The following CHST9 variants were observed in gnomAD, a reference collection of about 807,000 sequenced individuals.
The protein encoded by CHST9 is carbohydrate sulfotransferase 9.
In CHST9, 41 loss-of-function variants were observed where a neutral mutation model predicts 44.4. The observed-to-expected ratio is 0.92, with a 90% CI of 0.72 to 1.20. CHST9 has a LOEUF of 1.20. CHST9 is among the 50% of genes most tolerant of loss of function. CHST9 has a pLI of 0.00. For missense variants in CHST9, 504 were observed against 516.5 expected (o/e 0.98, Z 0.23); for synonymous variants, 171 against 178.4 (o/e 0.96, Z 0.33).
chr18:26,991,496 G>A (rs2056815706), intron 4 of CHST9, among the ~76,000 whole-genome samples: 1 of 135,488 alleles, frequency 7.4e-6, no homozygotes, highest in Non-Finnish European at 1.7e-5. Flanking sequence ...GATATATAAA[G>A]CTGGGATCCA....
intron 1 of CHST9, among the ~76,000 whole-genome samples, chr18:27,163,033 C>T (rs1356498531): frequency 5.3e-5 from 8 of 152,174 alleles, no homozygotes; most frequent in Non-Finnish European, 1.2e-4. Context: ...TTCTAACAGT[C>T]AGGACCCTCA....
At chr18:27,104,483 T>A (rs1225454195) in intron 2 of CHST9, among the ~76,000 whole-genome samples, 1 of 152,290 alleles carries the variant, frequency 6.6e-6, no homozygotes, top group East Asian at 1.9e-4. Context: ...ATTATGAAAG[T>A]CAGATTTTGC....
chr18:27,172,711 T>A (rs937576691), intron 1 of CHST9, among the ~76,000 whole-genome samples: 8 of 152,048 alleles, frequency 5.3e-5, no homozygotes, highest in African/African-American at 1.9e-4. Context: ...ACCAGTTCTT[T>A]CTGACTTTTT....
At chr18:26,952,197 AG>A in intron 4 of CHST9, 1 of 525,680 alleles carries the variant, frequency 1.9e-6, no homozygotes, top group South Asian at 1.4e-5. Flanking sequence ...ACCTCCCAAA[AG>A]CTGTTGGCAT....
intron 2 of CHST9, among the ~76,000 whole-genome samples, chr18:27,074,222 C>A (rs369523934): frequency 1.3e-5 from 2 of 152,146 alleles, no homozygotes; most frequent in East Asian, 1.9e-4. Context: ...ATGTTATTTT[C>A]AAAACTGTGA....
At chr18:27,036,024 T>C (rs1385466046) in intron 3 of CHST9, among the ~76,000 whole-genome samples, 1 of 152,114 alleles carries the variant, frequency 6.6e-6, no homozygotes, top group Non-Finnish European at 1.5e-5. Flanking sequence ...TATACCTCAA[T>C]GAATTTGGAA....
At chr18:27,159,905 C>T (rs530197625) in intron 1 of CHST9, among the ~76,000 whole-genome samples, 1 of 152,164 alleles carries the variant, frequency 6.6e-6, no homozygotes, top group Non-Finnish European at 1.5e-5. Flanking sequence ...ATTTGGCTCT[C>T]TATTTGTCTG....
chr18:26,983,191 C>G (rs1336460387), intron 4 of CHST9, among the ~76,000 whole-genome samples: 1 of 152,160 alleles, frequency 6.6e-6, no homozygotes, highest in Non-Finnish European at 1.5e-5. Flanking sequence ...GGTCCTAGAC[C>G]AGTGTGTTTC....
intron 4 of CHST9, among the ~76,000 whole-genome samples, chr18:27,016,166 T>C (rs1488392847): frequency 6.6e-6 from 1 of 152,238 alleles, no homozygotes; most frequent in Non-Finnish European, 1.5e-5. Flanking sequence ...ATACACCTCA[T>C]GCTTCTTTTG....
At chr18:27,180,832 A>T (rs1375664537) in intron 1 of CHST9, among the ~76,000 whole-genome samples, 1 of 152,224 alleles carries the variant, frequency 6.6e-6, no homozygotes, top group Non-Finnish European at 1.5e-5. Context: ...TGATAAGAAG[A>T]AACGGATTCC....
At chr18:27,112,206 A>T (rs1003617101) in intron 2 of CHST9, among the ~76,000 whole-genome samples, 1 of 150,646 alleles carries the variant, frequency 6.6e-6, no homozygotes, top group Non-Finnish European at 1.5e-5. Flanking sequence ...TCATGTTATT[A>T]TGAAGGCTGA....
chr18:27,136,574 T>C (rs780522152), intron 2 of CHST9, among the ~76,000 whole-genome samples: 1 of 152,208 alleles, frequency 6.6e-6, no homozygotes, highest in Admixed American at 6.5e-5. Context: ...CTCAGTTTTC[T>C]TGTCTTGAAA....
chr18:27,042,244 C>T (rs1185206839), intron 3 of CHST9, among the ~76,000 whole-genome samples: 1 of 152,112 alleles, frequency 6.6e-6, no homozygotes, highest in Non-Finnish European at 1.5e-5. Context: ...GTTCAAGTCT[C>T]AATTCTGCCA....
At position 27,093,010 on chromosome 18, in the gene CHST9, G is replaced by A. The variant is rs536569216; in HGVS notation, c.122-44507C>T. On this transcript the variant is annotated intron_variant, in intron 2 of 5. Coordinates refer to ENST00000618847, the MANE Select transcript of CHST9 (RefSeq NM_031422.6). ...AGCTGCAGGTCTGTTGGAGTTTGCT[G>A]GAGTTCTATTCCAGACCCTGTTTGT... Among the ~76,000 whole-genome samples, 3 of 152,238 alleles carry A rather than the reference G, an allele frequency of 2.0e-5. No homozygotes were observed. In the South Asian group the frequency reaches 6.2e-4, roughly 32 times the overall value.
intron 2 of CHST9, among the ~76,000 whole-genome samples, chr18:27,060,031 T>C (rs1368621468): frequency 1.3e-5 from 2 of 152,192 alleles, no homozygotes; most frequent in East Asian, 1.9e-4. Flanking sequence ...ACTAGGAAAA[T>C]TGTTAATTGT....
chr18:27,133,459 G>A (rs1342950516), intron 2 of CHST9, among the ~76,000 whole-genome samples: 1 of 152,158 alleles, frequency 6.6e-6, no homozygotes, highest in African/African-American at 2.4e-5. Context: ...AGAGAGTTAA[G>A]ACAGAGCCCA....
intron 4 of CHST9, among the ~76,000 whole-genome samples, chr18:26,951,394 A>G (rs1179369105): frequency 6.6e-6 from 1 of 152,192 alleles, no homozygotes; most frequent in East Asian, 1.9e-4. Flanking sequence ...GTGGTTCTAA[A>G]CCTCTTTCAG....
At chr18:26,942,080 A>AT (rs1258945252) in intron 5 of CHST9, among the ~76,000 whole-genome samples, 4 of 150,872 alleles carry the variant, frequency 2.7e-5, no homozygotes, top group Admixed American at 1.3e-4. Flanking sequence ...TTTTTTTTTG[A>AT]TAAAAAATAC....
chr18:27,160,175 C>T (rs975164656), intron 1 of CHST9, among the ~76,000 whole-genome samples: 2 of 152,136 alleles, frequency 1.3e-5, no homozygotes, highest in African/African-American at 2.4e-5. Context: ...AGAGGGCATC[C>T]CTGTCTTGTG....
Sources: allele counts gnomAD v4.1 joint callset (sites outside exome capture counted in the v4.1 genomes callset), GRCh38; gene constraint gnomAD v4.1.1; transcripts MANE v1.5; gene names NCBI Gene and HGNC (gene_info 2026-07-23, HGNC 2026-07-21).